ANO10: variants seen among roughly 807,000 people sequenced by gnomAD.
The protein encoded by ANO10 is anoctamin-10.
ANO10 carries 77 observed loss-of-function variants against 74.7 expected under a neutral mutation model. The observed-to-expected ratio is 1.03, with a 90% CI of 0.86 to 1.25. The LOEUF (loss-of-function observed/expected upper bound fraction) is 1.25. ANO10 is among the 50% of genes most tolerant of loss of function. The probability of loss-of-function intolerance (pLI) is 0.00; values close to 1 mark genes in which losing one functional copy is unlikely to be tolerated. For missense variants in ANO10, 721 were observed against 778.1 expected, an observed-to-expected ratio of 0.93 and a Z score of 0.87; for synonymous variants, 279 against 284.9, an observed-to-expected ratio of 0.98 and a Z score of 0.21.
chr3:43,577,290 G>A, intron 5 of ANO10, 29 bp from the exon 6 acceptor site: 1 of 1,592,366 alleles, frequency 6.3e-7, no homozygotes, highest in Non-Finnish European at 8.6e-7. Context: ...AAGAACATAA[G>A]TATAGACTAC....
In ANO10 at chr3:43,403,954, T is replaced by C. The variant is rs567800299; in HGVS notation, c.1914+28657A>G. ...TATAACACCCTCCCCTCCTGGAGTATAAGCAGGGGCTGGGACTTGCTTCTC... is the reference window on the plus strand; with the variant it reads ...TATAACACCCTCCCCTCCTGGAGTACAAGCAGGGGCTGGGACTTGCTTCTC... On this transcript the variant is annotated intron_variant, in intron 12 of 12. Coordinates refer to ENST00000292246, the MANE Select transcript of ANO10 (RefSeq NM_018075.5). 3.3e-5 allele frequency among the ~76,000 whole-genome samples: 5 copies of C among 152,198 alleles called. No individual in the cohort carries two copies. In the East Asian group the frequency reaches 5.8e-4, roughly 18 times the overall value.
rs571688982 is a variant in ANO10, at chr3:43,681,552, T to G, written c.-12+9965A>C. Among the ~76,000 whole-genome samples the G allele has an allele frequency of 5.8e-4, 88 of 152,262 alleles. 1 individual carries two copies. The highest frequency in any genetic ancestry group is 2.0e-3 in the African/African-American group (85 of 41,546). ...AAAGTAAACAAGGATATCCAGGAAT[T>G]GAACTCAGCTCTGCACCAAGCGAAC... On this transcript the variant is annotated intron_variant, in intron 1 of 3. Coordinates refer to the ANO10 transcript ENST00000413397.
In ANO10 at chr3:43,519,212, T is replaced by C. The variant is rs562071459; in HGVS notation, c.1797+30508A>G. On this transcript the variant is annotated intron_variant, in intron 11 of 12. Coordinates refer to ENST00000292246, the MANE Select transcript of ANO10 (RefSeq NM_018075.5). ...CCAGTAGGCAAGATCCCTCAAGACA[T>C]TGCAGAAAGCAGTTTCTTAAAAATT... 2.8e-4 allele frequency among the ~76,000 whole-genome samples: 43 copies of C among 152,286 alleles called. 1 individual carries two copies. The highest frequency in any genetic ancestry group is 2.1e-3 in the Admixed American group (32 of 15,284).
chr3:43,434,608 G>C (rs957453251), intron 11 of ANO10, among the ~76,000 whole-genome samples: 2 of 152,048 alleles, frequency 1.3e-5, no homozygotes, highest in African/African-American at 2.4e-5. Flanking sequence ...TAATAAATCT[G>C]TACCCATTTC....
intron 5 of ANO10, among the ~76,000 whole-genome samples, chr3:43,579,353 T>C (rs1251454790): frequency 6.6e-6 from 1 of 152,224 alleles, no homozygotes; most frequent in East Asian, 1.9e-4. Context: ...TCATTCTAAA[T>C]AACTGGCTCC....
chr3:43,594,094 C>A (rs1324709565), intron 4 of ANO10, among the ~76,000 whole-genome samples: 1 of 152,172 alleles, frequency 6.6e-6, no homozygotes, highest in Non-Finnish European at 1.5e-5. Flanking sequence ...AATACAGGAG[C>A]ACCCAGATTC....
At chr3:43,584,535 G>T (rs1328202193) in intron 4 of ANO10, among the ~76,000 whole-genome samples, 1 of 152,142 alleles carries the variant, frequency 6.6e-6, no homozygotes, top group Admixed American at 6.5e-5. Context: ...GAGAGCTAGT[G>T]TAAGTAAGCT....
At chr3:43,416,463 A>G (rs909108705) in intron 12 of ANO10, among the ~76,000 whole-genome samples, 1 of 152,212 alleles carries the variant, frequency 6.6e-6, no homozygotes, top group Non-Finnish European at 1.5e-5. Context: ...TTTATGGGGG[A>G]AAATTCACTT....
chr3:43,558,375 T>A (rs2079865586), intron 9 of ANO10, among the ~76,000 whole-genome samples: 2 of 152,040 alleles, frequency 1.3e-5, no homozygotes, highest in Non-Finnish European at 1.5e-5. Flanking sequence ...TGGATATGAG[T>A]GGGCAGTTCA....
At chr3:43,567,198 T>G (rs2080410249) in intron 7 of ANO10, among the ~76,000 whole-genome samples, 1 of 152,172 alleles carries the variant, frequency 6.6e-6, no homozygotes, top group South Asian at 2.1e-4. Context: ...AGACCAAATC[T>G]ACATCTGATT....
chr3:43,443,980 A>G (rs1175804616), intron 11 of ANO10, among the ~76,000 whole-genome samples: 1 of 152,028 alleles, frequency 6.6e-6, no homozygotes, highest in Non-Finnish European at 1.5e-5. Flanking sequence ...CTGCACCCGG[A>G]TCCTTCTCTA....
chr3:43,485,651 G>A (rs62250943), intron 11 of ANO10: 28,909 of 180,536 alleles, frequency 0.16, 2,989 homozygotes, highest in Non-Finnish European at 0.22. Flanking sequence ...GCCAGCTGTC[G>A]AAGTTCTTCA....
At chr3:43,680,507 G>A (rs149726720) in intron 1 of ANO10, among the ~76,000 whole-genome samples, 3,218 of 152,196 alleles carry the variant, frequency 0.021, 54 homozygotes, top group South Asian at 0.092. Flanking sequence ...GAAAACACTC[G>A]GCAGGATATT....
At chr3:43,552,053 A>G (rs2079488103) in intron 10 of ANO10, among the ~76,000 whole-genome samples, 2 of 151,838 alleles carry the variant, frequency 1.3e-5, no homozygotes, top group Non-Finnish European at 2.9e-5. Context: ...TCAGAATTCC[A>G]TTTTGGTTTA....
intron 4 of ANO10, among the ~76,000 whole-genome samples, chr3:43,584,550 A>G (rs575152255): frequency 8.5e-5 from 13 of 152,240 alleles, no homozygotes; most frequent in African/African-American, 3.1e-4. Flanking sequence ...TAAGCTGCTG[A>G]TGAGAGAGCT....
intron 12 of ANO10, among the ~76,000 whole-genome samples, chr3:43,389,788 C>A (rs2092227408): frequency 6.6e-6 from 1 of 152,142 alleles, no homozygotes. Context: ...CAAAAAGGAA[C>A]TGGTATCAGT....
chr3:43,657,836 C>T (rs1192222562), intron 1 of ANO10, among the ~76,000 whole-genome samples: 3 of 152,188 alleles, frequency 2.0e-5, no homozygotes, highest in Admixed American at 6.5e-5. Context: ...CAGAAACCTT[C>T]AGTGCCTCCC....
chr3:43,583,274 G>A lies in ANO10; in HGVS notation c.473-2802C>T, dbSNP rs190760405. Among the ~76,000 whole-genome samples, 1,306 of 151,530 alleles carry A rather than the reference G, an allele frequency of 8.6e-3. 12 individuals are homozygous for A. Among genetic ancestry groups the A allele is most frequent in the Non-Finnish European group, 0.014 (918 of 67,924 alleles). ...TTAATCCTTCAAACTTCTCATGTCA[G>A]TTAAGAATGTAATTACTAGGAAGGA... On this transcript the variant is annotated intron_variant, in intron 4 of 12. Coordinates refer to ENST00000292246, the MANE Select transcript of ANO10 (RefSeq NM_018075.5).
chr3:43,675,526 T>G (rs2084111308), intron 1 of ANO10, among the ~76,000 whole-genome samples: 1 of 152,058 alleles, frequency 6.6e-6, no homozygotes, highest in Non-Finnish European at 1.5e-5. Flanking sequence ...TAAAGAATTC[T>G]CAAAACTCAA....
Sources: allele counts gnomAD v4.1 joint callset (sites outside exome capture counted in the v4.1 genomes callset), GRCh38; gene constraint gnomAD v4.1.1; transcripts MANE v1.5; gene names NCBI Gene and HGNC (gene_info 2026-07-23, HGNC 2026-07-21).